Variants in ZNF561 observed in about 807,000 individuals in gnomAD.
ZNF561 encodes the protein zinc finger protein 561.
ZNF561 carries 16 observed loss-of-function variants against 16.7 expected under a neutral mutation model. That is an observed-to-expected ratio of 0.96 (90% CI 0.65 to 1.45). The LOEUF is 1.45. Ranked by LOEUF, ZNF561 falls within the 40% of genes most tolerant of loss-of-function variation. The probability of loss-of-function intolerance (pLI) is 0.00; values close to 1 mark genes in which losing one functional copy is unlikely to be tolerated. For synonymous variants in ZNF561, 190 were observed against 192.1 expected, an observed-to-expected ratio of 0.99 and a Z score of 0.09; for missense variants, 580 against 578.0, an observed-to-expected ratio of 1.00 and a Z score of -0.04.
chr19:9,607,953 C>T lies in ZNF561; in HGVS notation c.*2247G>A, dbSNP rs2074379253. ...TGGCTGCGATCTCGGCTCACTGCAACCTGTGCCTCCCAGGTTCATGCCATT... is the reference window on the plus strand; with the variant it reads ...TGGCTGCGATCTCGGCTCACTGCAATCTGTGCCTCCCAGGTTCATGCCATT... On this transcript the variant is annotated 3_prime_UTR_variant, in exon 6 of 6. Transcript: ENST00000302851. The T allele has an allele frequency of 6.6e-6, 1 of 152,172 alleles. No homozygotes were observed. The highest frequency in any genetic ancestry group is 2.4e-5 in the African/African-American group (1 of 41,428). The allele number at this position is 152,172 out of a possible 1,614,324, so 9.4% of individuals were successfully genotyped here.
chr19:9,619,596 T>C lies in ZNF561; in HGVS notation c.-126-14A>G. ...TTATTTGCGGTCCTGTTCATATCAA[T>C]CATCAAACAACAAGCATGAAACATC... On this transcript the variant is annotated splice_polypyrimidine_tract_variant and intron_variant, in intron 1 of 5. Coordinates refer to ENST00000302851, the MANE Select transcript of ZNF561 (RefSeq NM_152289.3). The C allele has an allele frequency of 1.6e-6, 1 of 637,430 alleles. No individual in the cohort carries two copies. Among genetic ancestry groups the C allele is most frequent in the Non-Finnish European group, 2.6e-6 (1 of 389,836 alleles). The allele number at this position is 637,430 out of a possible 1,614,324, so 39.5% of individuals were successfully genotyped here.
chr19:9,611,452 T>A, intron 5 of ZNF561, 116 bp from the exon 6 acceptor site: 1 of 1,132,540 alleles, frequency 8.8e-7, no homozygotes. Context: ...AATATTTAAT[T>A]TTTTTTTCTT....
At chr19:9,615,887 T>A (rs1360128704) in intron 4 of ZNF561, among the ~76,000 whole-genome samples, 2 of 150,960 alleles carry the variant, frequency 1.3e-5, no homozygotes, top group Non-Finnish European at 3.0e-5. Flanking sequence ...AGACTCTGTC[T>A]CAAAAAAAAA....
chr19:9,610,837 T>C lies in ZNF561; in HGVS notation c.824A>G (p.His275Arg), dbSNP rs768855663. 3 of 1,614,176 alleles carry C rather than the reference T, an allele frequency of 1.9e-6. No homozygotes were observed. Among genetic ancestry groups the C allele is most frequent in the Non-Finnish European group, 2.5e-6 (3 of 1,180,012 alleles). Residue 275 changes from histidine (H) to arginine (R), a missense_variant, in exon 6 of 6, where the codon CAT becomes CGT. Transcript: ENST00000302851. ...FSQLYAPVKT[H>R]KGEKSFECKE... ...ACATTCAAAGGACTTCTCTCCTTTA[T>C]GAGTTTTCACAGGTGCATAAAGTTG...
chr19:9,615,615 A>T (rs577742763), intron 4 of ZNF561, among the ~76,000 whole-genome samples: 1 of 151,620 alleles, frequency 6.6e-6, no homozygotes, highest in African/African-American at 2.4e-5. Flanking sequence ...ATAAATAAAT[A>T]AAGTAAGTAG....
Position 9,609,352 on chromosome 19 carries a change from C to A in ZNF561, c.*848G>T, listed in dbSNP as rs1311104214. ...TCCTCTAGAGCTGCTGGGTCAGGGT[C>A]TCCATGACCCAGCTGGTCTCAGCAA... On this transcript the variant is annotated 3_prime_UTR_variant, in exon 6 of 6. Coordinates refer to ENST00000302851, the MANE Select transcript of ZNF561 (RefSeq NM_152289.3). 1 of 152,152 alleles carries A rather than the reference C, an allele frequency of 6.6e-6. No homozygotes were observed. Among genetic ancestry groups the A allele is most frequent in the Non-Finnish European group, 1.5e-5 (1 of 68,030 alleles). 9.4% of individuals were successfully genotyped at this position (152,152 alleles called of 1,614,324 possible).
chr19:9,619,379 T>C, intron 2 of ZNF561, 53 bp downstream of exon 2: 1 of 1,601,410 alleles, frequency 6.2e-7, no homozygotes, highest in Non-Finnish European at 8.5e-7. Flanking sequence ...GCTTGTGTTG[T>C]GGAGGGTGAC....
Position 9,617,820 on chromosome 19 carries a change from G to A in ZNF561, c.114+271C>T, listed in dbSNP as rs559135988. The A allele has an allele frequency of 1.2e-3, 606 of 513,068 alleles. 1 individual carries two copies. The highest frequency in any genetic ancestry group is 1.8e-3 in the Non-Finnish European group (478 of 263,594). 31.8% of individuals were successfully genotyped at this position (513,068 alleles called of 1,614,324 possible). On this transcript the variant is annotated intron_variant, in intron 3 of 5. Coordinates refer to ENST00000302851, the MANE Select transcript of ZNF561 (RefSeq NM_152289.3). The stretch of plus-strand genomic sequence containing the variant: ...GACACTTTCATCTGCTTTATCATCC[G>A]TCACCGCACCCAGCAATGTAAGAAA...
intron 2 of ZNF561, among the ~76,000 whole-genome samples, chr19:9,618,896 C>A (rs1230755320): frequency 6.6e-6 from 1 of 152,074 alleles, no homozygotes; most frequent in Non-Finnish European, 1.5e-5. Context: ...GCGGGCAAAT[C>A]ACTTGAGGTC....
At chr19:9,612,158 C>T (rs529680007) in intron 5 of ZNF561, among the ~76,000 whole-genome samples, 2 of 151,596 alleles carry the variant, frequency 1.3e-5, no homozygotes, top group South Asian at 2.1e-4. Context: ...GAACCCCTGA[C>T]CTCAGATGAT....
rs2074411584 is a variant in ZNF561 at position 9,609,700 on chromosome 19, G to T, written c.*500C>A. ...TCACACTTCTTAGATTTTACAAGGG[G>T]ACACAGAAATAATCAGCTGTGAAAG... On this transcript the variant is annotated 3_prime_UTR_variant, in exon 6 of 6. Coordinates refer to ENST00000302851, the MANE Select transcript of ZNF561 (RefSeq NM_152289.3). 6.5e-6 allele frequency: 1 copy of T among 154,088 alleles called. No homozygotes were observed. The allele number at this position is 154,088 out of a possible 1,614,324, so 9.5% of individuals were successfully genotyped here. A position where few individuals can be genotyped will look rare whatever the true frequency, so the allele number is the denominator to read the frequency against.
At position 9,610,998 on chromosome 19, in the gene ZNF561, A is replaced by T. The variant is rs2074443351; in HGVS notation, c.663T>A (p.Asp221Glu). ...SLDNHMGIHT[D>E]EKLCEFQEYG... ...ATTCCTGAAATTCACAGAGTTTCTC[A>T]TCAGTGTGGATTCCCATATGATTAT... The change falls in exon 6 of 6, where the codon GAT becomes GAA. Residue 221 changes from aspartate to glutamate, a missense_variant. By Grantham distance (45) the Asp-to-Glu change is conservative. Coordinates refer to ENST00000302851, the MANE Select transcript of ZNF561 (RefSeq NM_152289.3). 3 of 1,614,158 alleles carry T rather than the reference A, an allele frequency of 1.9e-6. No homozygotes were observed. The highest frequency in any genetic ancestry group is 1.3e-5 in the African/African-American group (1 of 75,034).
Position 9,610,737 on chromosome 19 carries a change from T to C in ZNF561, c.924A>G (p.Pro308=), listed in dbSNP as rs1461386056. ...DHIQIHTGIK[P]HKCTYCGKAF... is the part of the protein sequence containing the mutation. ...CTTTCCCACAGTAAGTACACTTGTG[T>C]GGTTTTATTCCAGTGTGAATTTGAA... Residue 308 remains proline (P), a synonymous_variant, in exon 6 of 6, where the codon CCA becomes CCG. Coordinates refer to ENST00000302851, the MANE Select transcript of ZNF561 (RefSeq NM_152289.3). 6.2e-7 allele frequency: 1 copy of C among 1,614,022 alleles called. No individual in the cohort carries two copies. The highest frequency in any genetic ancestry group is 1.3e-5 in the African/African-American group (1 of 74,926).
intron 3 of ZNF561, chr19:9,617,639 T>C: frequency 2.2e-6 from 1 of 456,950 alleles, no homozygotes; most frequent in Non-Finnish European, 4.4e-6. Flanking sequence ...CCTGAGTAGC[T>C]GGAATTACAG....
chr19:9,619,494 C>T lies in ZNF561; in HGVS notation c.-38G>A, dbSNP rs765442538. 1 of 1,611,100 alleles carries T rather than the reference C, an allele frequency of 6.2e-7. No individual in the cohort carries two copies. The highest frequency in any genetic ancestry group is 8.5e-7 in the Non-Finnish European group (1 of 1,177,992). On this transcript the variant is annotated 5_prime_UTR_variant, in exon 2 of 6. Coordinates refer to ENST00000302851, the MANE Select transcript of ZNF561 (RefSeq NM_152289.3). ...ATGGTGTGATGATGTGCATCCCTTC[C>T]TTGATGCCAAGATCACCTCAGGCCA...
In ZNF561 at chr19:9,617,312, G is replaced by A. The variant is rs112136685; in HGVS notation, c.115-141C>T. 5.4e-3 allele frequency: 7,254 copies of A among 1,331,698 alleles called. 337 individuals carry two copies. The African/African-American group carries it at 0.096, about 18-fold the overall frequency. The allele number at this position is 1,331,698 out of a possible 1,614,324, so 82.5% of individuals were successfully genotyped here. On this transcript the variant is annotated intron_variant, in intron 3 of 5. Transcript: ENST00000302851. Reference sequence around the variant, plus strand: ...ATCTACTCCAGGGTTTAATGTCTCAGGAGCTCTTGTGTCTAAACACTCAAG... The same window carrying A: ...ATCTACTCCAGGGTTTAATGTCTCAAGAGCTCTTGTGTCTAAACACTCAAG...
chr19:9,610,103 G>T lies in ZNF561; in HGVS notation c.*97C>A. On this transcript the variant is annotated 3_prime_UTR_variant, in exon 6 of 6. Coordinates refer to ENST00000302851, the MANE Select transcript of ZNF561 (RefSeq NM_152289.3). ...TCAGACCCTCAGGATGGTATCTAAG[G>T]CCAATCCATGAGTCATTACAACCTC... 9.0e-7 allele frequency: 1 copy of T among 1,108,696 alleles called. No individual in the cohort carries two copies. The highest frequency in any genetic ancestry group is 1.3e-6 in the Non-Finnish European group (1 of 795,680). The allele number at this position is 1,108,696 out of a possible 1,614,324, so 68.7% of individuals were successfully genotyped here.
rs28640146 is a variant in ZNF561, at chr19:9,614,892, G to A, written c.242-789C>T. Among the ~76,000 whole-genome samples, 852 of 150,144 alleles carry A rather than the reference G, an allele frequency of 5.7e-3. 7 individuals carry two copies. The highest frequency in any genetic ancestry group is 0.02 in the African/African-American group (824 of 40,752). On this transcript the variant is annotated intron_variant, in intron 4 of 5. Transcript: ENST00000302851. ...GTCACTCTGTCACCCACACTGGAGC[G>A]CAGTGGCACAATGTTGGCTCAATGC...
At position 9,617,006 on chromosome 19, in the gene ZNF561, T is replaced by C. The variant is rs767015618; in HGVS notation, c.241+39A>G. On this transcript the variant is annotated intron_variant, in intron 4 of 5. Coordinates refer to ENST00000302851, the MANE Select transcript of ZNF561 (RefSeq NM_152289.3). ...CCTCCCAAGTATCTGGGACTACAGG[T>C]GCAGGCCACCATGCCAAGCATAGTG... 13 of 1,582,654 alleles carry C rather than the reference T, an allele frequency of 8.2e-6. No homozygotes were observed. The East Asian group carries it at 1.4e-4, about 17-fold the overall frequency.
Sources: gnomAD v4.1 joint callset for allele counts (sites outside exome capture counted in the v4.1 genomes callset) on GRCh38, gnomAD v4.1.1 for gene constraint, MANE v1.5 for transcripts, NCBI Gene and HGNC (gene_info 2026-07-23, HGNC 2026-07-21) for gene names.